RHBDL2: variants seen among roughly 807,000 people sequenced by gnomAD.
RHBDL2 encodes the protein rhomboid like 2.
A neutral mutation model predicts 31.7 loss-of-function variants in RHBDL2; 26 were observed. The ratio of observed to expected loss-of-function variants is 0.82; its 90% CI spans 0.60 to 1.14. The LOEUF (loss-of-function observed/expected upper bound fraction) is 1.14, where lower values mean the gene tolerates loss of function less well. RHBDL2 is among the 50% of genes most tolerant of loss of function. RHBDL2 has a pLI of 0.00. For synonymous variants in RHBDL2, 123 were observed against 127.2 expected, an observed-to-expected ratio of 0.97 and a Z score of 0.22; for missense variants, 336 against 364.4, an observed-to-expected ratio of 0.92 and a Z score of 0.63.
chr1:38,905,587 A>G (rs574346886), intron 4 of RHBDL2, among the ~76,000 whole-genome samples: 178 of 100,788 alleles, frequency 1.8e-3, no homozygotes, highest in Non-Finnish European at 3.8e-3. Context: ...CTGTCTCTAC[A>G]GGAAAAAAAA....
chr1:38,939,446 G>A lies in RHBDL2; in HGVS notation c.-126+2236C>T, dbSNP rs182733984. Among the ~76,000 whole-genome samples the A allele has an allele frequency of 2.0e-3, 306 of 152,164 alleles. 1 individual carries two copies. The Middle Eastern group carries it at 0.031, about 15-fold the overall frequency. On this transcript the variant is annotated intron_variant, in intron 1 of 7. Coordinates refer to ENST00000372990, the MANE Select transcript of RHBDL2 (RefSeq NM_017821.5). ...GGAGGCCAAGGCAGGTGGATCACTC[G>A]AGTCCAGGAGTTCAAGACCATCCTG...
intron 1 of RHBDL2, among the ~76,000 whole-genome samples, chr1:38,919,597 A>G (rs1643284307): frequency 6.6e-6 from 1 of 151,228 alleles, no homozygotes; most frequent in Non-Finnish European, 1.5e-5. Context: ...TTAATATATA[A>G]TATATATTTT....
chr1:38,925,544 C>T (rs777307021), intron 1 of RHBDL2, among the ~76,000 whole-genome samples: 1 of 151,892 alleles, frequency 6.6e-6, no homozygotes, highest in Non-Finnish European at 1.5e-5. Context: ...TAATCTCTCT[C>T]TTGATGAGCA....
At chr1:38,941,264 G>A (rs1426230697) in intron 1 of RHBDL2, among the ~76,000 whole-genome samples, 2 of 152,318 alleles carry the variant, frequency 1.3e-5, no homozygotes, top group East Asian at 1.9e-4. Flanking sequence ...TGTCTCCCTG[G>A]CTGTGGTCTC....
intron 3 of RHBDL2, 182 bp downstream of exon 3, chr1:38,915,380 C>T (rs1643218473): frequency 1.7e-6 from 1 of 585,802 alleles, no homozygotes; most frequent in Non-Finnish European, 3.0e-6. Flanking sequence ...CCACCTCAGC[C>T]TCCATGACTA....
rs560307148 is a variant in RHBDL2 at position 38,900,330 on chromosome 1, GA to G, written c.509-4262del. Among the ~76,000 whole-genome samples the G allele has an allele frequency of 2.6e-5, 4 of 152,194 alleles. No homozygotes were observed. The East Asian group carries it at 7.7e-4, about 29-fold the overall frequency. On this transcript the variant is annotated intron_variant, in intron 4 of 7. Coordinates refer to ENST00000372990, the MANE Select transcript of RHBDL2 (RefSeq NM_017821.5). ...AGCTACTCGGGAGGCTGAGACACAA[GA>G]ACCCCCTGGGCCGAGTGCAGTGGCT...
intron 3 of RHBDL2, among the ~76,000 whole-genome samples, 191 bp from the exon 4 acceptor site, chr1:38,911,625 T>C (rs1643144591): frequency 7.8e-6 from 1 of 128,940 alleles, no homozygotes; most frequent in Admixed American, 8.3e-5. Context: ...TGTGTGTGTG[T>C]GTGTGTGTGT....
intron 1 of RHBDL2, among the ~76,000 whole-genome samples, chr1:38,939,672 T>TGA (rs886085201): frequency 1.3e-5 from 2 of 151,580 alleles, no homozygotes; most frequent in Non-Finnish European, 2.9e-5. Flanking sequence ...ACCAAGTAGC[T>TGA]GAGACTACAG....
intron 2 of RHBDL2, among the ~76,000 whole-genome samples, chr1:38,916,956 A>G (rs1643245585): frequency 6.6e-6 from 1 of 151,534 alleles, no homozygotes; most frequent in South Asian, 2.1e-4. Context: ...AATACAATGT[A>G]CTATGGAAAT....
chr1:38,915,561 CCCAGCATGTA>C lies in RHBDL2; in HGVS notation c.386_395del (p.Val129GlufsTer36). The C allele has an allele frequency of 3.1e-6, 5 of 1,613,958 alleles. No homozygotes were observed. Among genetic ancestry groups the C allele is most frequent in the Non-Finnish European group, 4.2e-6 (5 of 1,179,898 alleles). On this transcript the variant is annotated frameshift_variant and splice_region_variant, in exon 3 of 8. Transcript: ENST00000372990. LOFTEE classifies it high-confidence loss of function. ...CCAGGGGCTTAACTATCATTGCTTA[CCCAGCATGTA>C]CCAGCATGTATGAGATAAACCTCCA...
chr1:38,886,691 G>A lies in RHBDL2; in HGVS notation c.733-8C>T. ...GTGAGCTGCAAAAGACACCTTGGGA[G>A]AAAAGGAGGGAAAATGGAAATAAGT... On this transcript the variant is annotated splice_polypyrimidine_tract_variant and splice_region_variant and intron_variant, in intron 7 of 7. Transcript: ENST00000372990. 6.6e-7 allele frequency: 1 copy of A among 1,524,398 alleles called. No homozygotes were observed. 94.4% of individuals were successfully genotyped at this position (1,524,398 alleles called of 1,614,324 possible). A position where few individuals can be genotyped will look rare whatever the true frequency, so the allele number is the denominator to read the frequency against.
intron 1 of RHBDL2, among the ~76,000 whole-genome samples, chr1:38,941,333 G>A (rs1253443426): frequency 6.6e-6 from 1 of 152,168 alleles, no homozygotes; most frequent in Non-Finnish European, 1.5e-5. Context: ...AAAAACTTAG[G>A]AGGGTAGGGG....
At chr1:38,911,656 G>A (rs1175447875) in intron 3 of RHBDL2, among the ~76,000 whole-genome samples, 3 of 150,890 alleles carry the variant, frequency 2.0e-5, no homozygotes, top group Non-Finnish European at 3.0e-5. Flanking sequence ...GCGCGCGCGC[G>A]CGCGTGTGTG....
In RHBDL2 at chr1:38,938,184, A is replaced by AT. The variant is rs375706059; in HGVS notation, c.-126+3497dup. Among the ~76,000 whole-genome samples, 291 of 146,546 alleles carry AT rather than the reference A, an allele frequency of 2.0e-3. 2 individuals carry two copies. The East Asian group carries it at 0.039, about 20-fold the overall frequency. On this transcript the variant is annotated intron_variant, in intron 1 of 7. Transcript: ENST00000372990. ...AGGTGCACGCCACCATGCCCAGCTA[A>AT]TTTTTTTTTTTTAGTAGAGGTGGGG...
At chr1:38,920,210 C>G (rs1165035170) in intron 1 of RHBDL2, among the ~76,000 whole-genome samples, 1 of 145,956 alleles carries the variant, frequency 6.9e-6, no homozygotes, top group East Asian at 2.0e-4. Flanking sequence ...CTCTGTCACC[C>G]AGGCTGGAGT....
intron 1 of RHBDL2, among the ~76,000 whole-genome samples, chr1:38,936,070 G>A (rs868815390): frequency 9.3e-5 from 14 of 151,348 alleles, no homozygotes; most frequent in South Asian, 6.3e-4. Flanking sequence ...ATGCCACCAC[G>A]CCCAGCAAAT....
intron 4 of RHBDL2, among the ~76,000 whole-genome samples, chr1:38,905,432 G>A (rs537410273): frequency 4.6e-4 from 69 of 149,550 alleles, no homozygotes; most frequent in Non-Finnish European, 7.1e-4. Flanking sequence ...TAGAATAAAT[G>A]GATTGGTAAA....
At chr1:38,915,475 T>G (rs1643219922) in intron 3 of RHBDL2, 87 bp downstream of exon 3, 6 of 1,383,814 alleles carry the variant, frequency 4.3e-6, no homozygotes, top group Non-Finnish European at 6.0e-6. Context: ...TGAAAGTGCC[T>G]TATCAATAAT....
chr1:38,913,094 TG>T (rs1643179765), intron 3 of RHBDL2, among the ~76,000 whole-genome samples: 1 of 151,488 alleles, frequency 6.6e-6, no homozygotes, highest in Non-Finnish European at 1.5e-5. Context: ...ACGATTCTCC[TG>T]CCTCAGCTTC....
Sources: gnomAD v4.1 joint callset for allele counts (sites outside exome capture counted in the v4.1 genomes callset) on GRCh38, gnomAD v4.1.1 for gene constraint, MANE v1.5 for transcripts, NCBI Gene and HGNC (gene_info 2026-07-23, HGNC 2026-07-21) for gene names.